Variants in MED1 observed in about 807,000 individuals in gnomAD.
The protein encoded by MED1 is mediator complex subunit 1.
A neutral mutation model predicts 121.3 loss-of-function variants in MED1; 17 were observed. That is an observed-to-expected ratio of 0.14 (90% confidence interval 0.10 to 0.21). The LOEUF (loss-of-function observed/expected upper bound fraction) is 0.21, where lower values mean the gene tolerates loss of function less well. MED1 is among the 10% of genes least tolerant of loss of function. The pLI is 1.00. For missense variants in MED1, 1,558 were observed against 1,919.4 expected (o/e 0.81, Z 3.52); for synonymous variants, 661 against 694.4 (o/e 0.95, Z 0.76).
chr17:39,407,170 C>G lies in MED1; in HGVS notation c.*305G>C. 1 of 1,014,024 alleles carries G rather than the reference C, an allele frequency of 9.9e-7. No individual in the cohort carries two copies. Among genetic ancestry groups the G allele is most frequent in the Non-Finnish European group, 1.2e-6 (1 of 849,066 alleles). 62.8% of individuals were successfully genotyped at this position (1,014,024 alleles called of 1,614,324 possible). On this transcript the variant is annotated 3_prime_UTR_variant, in exon 17 of 17. Coordinates refer to ENST00000300651, the MANE Select transcript of MED1 (RefSeq NM_004774.4). ...ATATATATGAATATTTCCCACAAAA[C>G]TGTTTCCCTCCCTTCCCTCTCCCTA... is the stretch of plus-strand genomic sequence containing the variant.
Position 39,409,872 on chromosome 17 carries a change from A to G in MED1, c.2349T>C (p.Leu783=). ...DSIGPDVTDI[L]SDIAEEASKL... Reference sequence around the variant, plus strand: ...TAGAAGCTTCTTCTGCAATGTCTGAAAGGATGTCAGTTACATCTGGGCCAA... The same window carrying G: ...TAGAAGCTTCTTCTGCAATGTCTGAGAGGATGTCAGTTACATCTGGGCCAA... The change falls in exon 17 of 17, where the codon CTT becomes CTC. Residue 783 remains leucine (L), a synonymous_variant. Coordinates refer to ENST00000300651, the MANE Select transcript of MED1 (RefSeq NM_004774.4). The G allele has an allele frequency of 6.2e-7, 1 of 1,614,134 alleles. No individual in the cohort carries two copies. The highest frequency in any genetic ancestry group is 8.5e-7 in the Non-Finnish European group (1 of 1,180,018).
rs1181421545 is a variant in MED1, at chr17:39,408,373, G to C, written c.3848C>G (p.Ser1283Cys). 2 of 1,614,180 alleles carry C rather than the reference G, an allele frequency of 1.2e-6. No individual in the cohort carries two copies. The highest frequency in any genetic ancestry group is 3.3e-5 in the Admixed American group (2 of 60,018). ...FSSSGSSMSS[S>C]QNQHGSSKGK... ...TTTAGAACTCCCATGCTGGTTCTGAGAGGATGACATGGAAGAGCCACTTGA... is the reference window on the plus strand; with the variant it reads ...TTTAGAACTCCCATGCTGGTTCTGACAGGATGACATGGAAGAGCCACTTGA... The change falls in exon 17 of 17, where the codon TCT becomes TGT. Residue 1283 changes from serine to cysteine, a missense_variant. Physicochemically the swap from Ser to Cys is moderately radical, Grantham distance 112 (BLOSUM62 -1). Around this residue, in one of 5 missense-constraint regions of MED1, gnomAD observed 793 missense variants for 898.2 expected, o/e 0.88. Transcript: ENST00000300651. This position sits in a 1 kb window ranked among gnomAD's most constrained non-coding sequence, Gnocchi z 4.7.
At chr17:39,420,720 T>C (rs1179427777) in intron 13 of MED1, among the ~76,000 whole-genome samples, 1 of 151,348 alleles carries the variant, frequency 6.6e-6, no homozygotes, top group Non-Finnish European at 1.5e-5. Context: ...TTGCAATCTC[T>C]ACCTCCCAGG....
Position 39,405,453 on chromosome 17 carries a change from A to C in MED1, c.*2022T>G. The C allele has an allele frequency of 7.2e-7, 1 of 1,393,528 alleles. No homozygotes were observed. 86.3% of individuals were successfully genotyped at this position (1,393,528 alleles called of 1,614,324 possible). On this transcript the variant is annotated 3_prime_UTR_variant, in exon 17 of 17. Transcript: ENST00000300651. ...CCACTCAGAACAAATTTTAAAAACC[A>C]CATAAATTTTTTTTTTTTTCCTGCA...
chr17:39,408,217 G>A lies in MED1; in HGVS notation c.4004C>T (p.Ser1335Phe). The change falls in exon 17 of 17, where the codon TCT (serine) becomes TTT (phenylalanine). Residue 1335 changes from serine to phenylalanine, a missense_variant. Physicochemically the swap from Ser to Phe is radical, Grantham distance 155. Transcript: ENST00000300651. This position sits in a 1 kb window ranked among gnomAD's most constrained non-coding sequence, Gnocchi z 4.7. ...LDGQMGVSTN[S>F]SSHPMSSKHN... Reference sequence around the variant, plus strand: ...TTTGGAGGACATAGGATGGCTGGAAGAATTTGTGCTCACCCCCATCTGGCC... The same window carrying A: ...TTTGGAGGACATAGGATGGCTGGAAAAATTTGTGCTCACCCCCATCTGGCC... The A allele has an allele frequency of 6.2e-7, 1 of 1,614,080 alleles. No homozygotes were observed.
At position 39,447,835 on chromosome 17, in the gene MED1, G is replaced by T. The variant is rs1209222289; in HGVS notation, c.95C>A (p.Pro32His). Residue 32 changes from proline to histidine, a missense_variant, in exon 2 of 17, where the codon CCC (proline) becomes CAC (histidine). Transcript: ENST00000300651. ...RLHAKFNQNR[P>H]WSETIKLVRQ... ...CACAAGCTTAATGGTTTCACTCCAG[G>T]GTCTATTTTGGTTAAATTTTGCATG... 3 of 1,613,322 alleles carry T rather than the reference G, an allele frequency of 1.9e-6. No individual in the cohort carries two copies. Among genetic ancestry groups the T allele is most frequent in the Middle Eastern group, 1.6e-4 (1 of 6,080 alleles).
intron 1 of MED1, among the ~76,000 whole-genome samples, chr17:39,448,135 C>CA (rs2048745879): frequency 7.1e-6 from 1 of 140,160 alleles, no homozygotes; most frequent in Non-Finnish European, 1.6e-5. Flanking sequence ...ATCTATCCAC[C>CA]TTTTTTTTTT....
chr17:39,428,613 G>C (rs1021426847), intron 9 of MED1, among the ~76,000 whole-genome samples: 2 of 152,052 alleles, frequency 1.3e-5, no homozygotes, highest in African/African-American at 4.8e-5. Context: ...CAGCCTGGAA[G>C]GCAGAGCAAG....
intron 6 of MED1, among the ~76,000 whole-genome samples, chr17:39,435,677 A>G (rs2048611489): frequency 6.6e-6 from 1 of 152,044 alleles, no homozygotes. Context: ...ATCAGGTAAA[A>G]GTCAACATTA....
At chr17:39,447,652 A>G in intron 2 of MED1, 146 bp downstream of exon 2, 1 of 505,618 alleles carries the variant, frequency 2.0e-6, no homozygotes, top group Non-Finnish European at 3.5e-6. Context: ...AACCTGTAGT[A>G]TAGATACAAT....
Position 39,419,812 on chromosome 17 carries a change from G to C in MED1, c.1202C>G (p.Pro401Arg). The C allele has an allele frequency of 6.2e-7, 1 of 1,614,024 alleles. No homozygotes were observed. Among genetic ancestry groups the C allele is most frequent in the Non-Finnish European group, 8.5e-7 (1 of 1,179,944 alleles). Residue 401 changes from proline to arginine, a missense_variant, in exon 14 of 17, where the codon CCT (proline) becomes CGT (arginine). Pro to Arg is a moderately radical substitution (Grantham distance 103, BLOSUM62 -2). Transcript: ENST00000300651. ...ATTTAGGATAAGAGGAACTCGGCCAGGGTGCTGAAAGGTGATTTTGCTAAC... is the reference window on the plus strand; with the variant it reads ...ATTTAGGATAAGAGGAACTCGGCCACGGTGCTGAAAGGTGATTTTGCTAAC... ...TLVSKITFQH[P>R]GRVPLILNLI...
At chr17:39,450,896 A>G (rs1024239629) in intron 1 of MED1, 142 bp downstream of exon 1, 3 of 646,476 alleles carry the variant, frequency 4.6e-6, no homozygotes, top group Non-Finnish European at 8.0e-6. Context: ...GGGTATAGTG[A>G]CAATCTAAAA....
At chr17:39,441,099 T>C (rs1043945866) in intron 3 of MED1, among the ~76,000 whole-genome samples, 5 of 152,170 alleles carry the variant, frequency 3.3e-5, no homozygotes, top group African/African-American at 9.7e-5. Context: ...AAATGAAATG[T>C]ATATACATAA....
chr17:39,447,907 A>G lies in MED1; in HGVS notation c.26-3T>C. ...CATCTTACTCAGCTTTTCTGACTCT[A>G]TGATTTAAATCAGAAAACGTTATCA... is the stretch of plus-strand genomic sequence containing the variant. On this transcript the variant is annotated splice_polypyrimidine_tract_variant and splice_region_variant and intron_variant, in intron 1 of 16. Coordinates refer to ENST00000300651, the MANE Select transcript of MED1 (RefSeq NM_004774.4). 6.3e-7 allele frequency: 1 copy of G among 1,599,762 alleles called. No homozygotes were observed. Among genetic ancestry groups the G allele is most frequent in the South Asian group, 1.1e-5 (1 of 90,210 alleles).
At chr17:39,434,203 T>G in intron 7 of MED1, 46 bp downstream of exon 7, 5 of 1,357,642 alleles carry the variant, frequency 3.7e-6, no homozygotes, top group Non-Finnish European at 5.1e-6. Flanking sequence ...CTTATAGATT[T>G]ATACTGATTT....
At chr17:39,425,791 G>A (rs2048509401) in intron 10 of MED1, among the ~76,000 whole-genome samples, 1 of 149,280 alleles carries the variant, frequency 6.7e-6, no homozygotes, top group African/African-American at 2.5e-5. Context: ...GACAGAGTGA[G>A]ACTCTGTCTG....
At chr17:39,448,158 C>T (rs953398841) in intron 1 of MED1, among the ~76,000 whole-genome samples, 1 of 139,554 alleles carries the variant, frequency 7.2e-6, no homozygotes, top group African/African-American at 2.7e-5. Context: ...TTTTTAAAGA[C>T]TAAGTTTCAC....
chr17:39,437,663 A>C (rs1433438982), intron 6 of MED1, among the ~76,000 whole-genome samples: 1 of 152,098 alleles, frequency 6.6e-6, no homozygotes, highest in African/African-American at 2.4e-5. Context: ...GGCCGGGCAC[A>C]GTGGCTCATG....
chr17:39,441,909 C>G (rs909131245), intron 3 of MED1, among the ~76,000 whole-genome samples: 1 of 152,044 alleles, frequency 6.6e-6, no homozygotes, highest in Non-Finnish European at 1.5e-5. Context: ...CCAAGACCAC[C>G]CTGGCCAACA....
Sources: gnomAD v4.1 joint callset for allele counts (sites outside exome capture counted in the v4.1 genomes callset) on GRCh38, gnomAD v4.1.1 for gene constraint, gnomAD v4.1.1 regional missense constraint, Gnocchi (gnomAD v3.1) non-coding constraint, MANE v1.5 for transcripts, NCBI Gene and HGNC (gene_info 2026-07-23, HGNC 2026-07-21) for gene names.